The following JARID2 variants were observed in gnomAD, a reference collection of about 807,000 sequenced individuals.
The protein encoded by JARID2 is jumonji and AT-rich interaction domain containing 2.
In JARID2, 21 loss-of-function variants were observed where a neutral mutation model predicts 125.6. The ratio of observed to expected loss-of-function variants is 0.17; its 90% CI spans 0.12 to 0.24. The LOEUF (loss-of-function observed/expected upper bound fraction) is 0.24. Among genes scored for constraint, JARID2 ranks in the 10% least tolerant of loss-of-function variants. The pLI is 1.00. For missense variants in JARID2, 1,303 were observed against 1,639.6 expected, an observed-to-expected ratio of 0.79 and a Z score of 3.55; for synonymous variants, 736 against 661.6, an observed-to-expected ratio of 1.11 and a Z score of -1.73.
chr6:15,264,612 A>AGAGTGT (rs1554116823), intron 1 of JARID2, among the ~76,000 whole-genome samples: 5 of 146,240 alleles, frequency 3.4e-5, no homozygotes, highest in South Asian at 2.2e-4. Flanking sequence ...GGTAGGTGTG[A>AGAGTGT]GTGTGTGTGT....
chr6:15,350,445 A>G (rs1191682340), intron 1 of JARID2, among the ~76,000 whole-genome samples: 2 of 152,202 alleles, frequency 1.3e-5, no homozygotes, highest in Non-Finnish European at 2.9e-5. Flanking sequence ...CGTCTTCATT[A>G]GTAACACGGA....
At chr6:15,415,824 AC>A (rs1265235675) in intron 3 of JARID2, among the ~76,000 whole-genome samples, 78 of 72,732 alleles carry the variant, frequency 1.1e-3, no homozygotes, top group Non-Finnish European at 1.4e-4. Flanking sequence ...CGGGGGGCTG[AC>A]CCCCCCACCT....
rs533221435 is a variant in JARID2 at position 15,263,707 on chromosome 6, C to T, written c.45+17123C>T. Among the ~76,000 whole-genome samples, 97 of 151,982 alleles carry T rather than the reference C, an allele frequency of 6.4e-4. 2 individuals are homozygous for T. The highest frequency in any genetic ancestry group is 2.0e-3 in the African/African-American group (82 of 41,442). Reference sequence around the variant, plus strand: ...TTCCGGATTCAAGTGATTCTCCTGCCTCAGCCTCCAGAGTAGCCAGGATTA... The same window carrying T: ...TTCCGGATTCAAGTGATTCTCCTGCTTCAGCCTCCAGAGTAGCCAGGATTA... On this transcript the variant is annotated intron_variant, in intron 1 of 17. Transcript: ENST00000341776.
chr6:15,485,073 T>C (rs990538825), intron 5 of JARID2, among the ~76,000 whole-genome samples: 5 of 152,238 alleles, frequency 3.3e-5, no homozygotes, highest in African/African-American at 1.2e-4. Context: ...CAATGGGTAG[T>C]TACTTAGAAT....
At chr6:15,422,430 TG>T (rs1490930785) in intron 3 of JARID2, among the ~76,000 whole-genome samples, 1 of 152,178 alleles carries the variant, frequency 6.6e-6, no homozygotes, top group Non-Finnish European at 1.5e-5. Context: ...CCTGAGTTCC[TG>T]GGTTTCAGTG....
intron 1 of JARID2, among the ~76,000 whole-genome samples, chr6:15,292,257 G>T (rs1189901545): frequency 6.6e-6 from 1 of 151,862 alleles, no homozygotes; most frequent in East Asian, 1.9e-4. Context: ...TCCTGACCTC[G>T]TGATCCGCCC....
intron 2 of JARID2, among the ~76,000 whole-genome samples, chr6:15,390,629 C>G (rs959416557): frequency 6.6e-6 from 1 of 152,156 alleles, no homozygotes; most frequent in Non-Finnish European, 1.5e-5. Flanking sequence ...GTTGACAGAG[C>G]TCAGGTCATC....
chr6:15,431,378 T>C (rs1271657299), intron 3 of JARID2, among the ~76,000 whole-genome samples: 1 of 152,206 alleles, frequency 6.6e-6, no homozygotes, highest in African/African-American at 2.4e-5. Context: ...TCATAAACGA[T>C]GCCTTCCTGC....
intron 1 of JARID2, among the ~76,000 whole-genome samples, chr6:15,313,021 A>C (rs749910878): frequency 2.0e-5 from 3 of 152,204 alleles, no homozygotes; most frequent in Non-Finnish European, 2.9e-5. Context: ...CAGTTTCAGA[A>C]TAGTGCCTTC....
At chr6:15,266,468 G>T (rs999694797) in intron 1 of JARID2, among the ~76,000 whole-genome samples, 1 of 152,180 alleles carries the variant, frequency 6.6e-6, no homozygotes, top group Non-Finnish European at 1.5e-5. Context: ...CCCGCTGGGG[G>T]AAGGACTAAT....
intron 4 of JARID2, among the ~76,000 whole-genome samples, chr6:15,465,873 G>A (rs1200364448): frequency 1.3e-5 from 2 of 151,634 alleles, no homozygotes; most frequent in African/African-American, 4.9e-5. Flanking sequence ...GCATGATCTC[G>A]GCTCACTGCA....
intron 1 of JARID2, among the ~76,000 whole-genome samples, chr6:15,280,629 C>CTTTT (rs11427786): frequency 7.3e-6 from 1 of 136,744 alleles, no homozygotes. Flanking sequence ...CCACACCCTG[C>CTTTT]TTTTTTTTTT....
intron 2 of JARID2, among the ~76,000 whole-genome samples, chr6:15,389,699 C>G (rs1470117414): frequency 6.6e-6 from 1 of 152,256 alleles, no homozygotes; most frequent in East Asian, 1.9e-4. Context: ...AAACTCTTCA[C>G]TCTGCCTGAA....
chr6:15,344,421 C>T (rs756109079), intron 1 of JARID2, among the ~76,000 whole-genome samples: 21 of 151,848 alleles, frequency 1.4e-4, no homozygotes, highest in Non-Finnish European at 2.4e-4. Flanking sequence ...AATTAAAAAA[C>T]GTGACTGAGA....
chr6:15,419,391 AAAGT>A (rs1392447073), intron 3 of JARID2, among the ~76,000 whole-genome samples: 3 of 152,222 alleles, frequency 2.0e-5, no homozygotes, highest in Non-Finnish European at 2.9e-5. Flanking sequence ...AAGTAAATAT[AAAGT>A]AAATATGGGT....
At chr6:15,491,031 G>A (rs1347434494) in intron 6 of JARID2, among the ~76,000 whole-genome samples, 1 of 152,214 alleles carries the variant, frequency 6.6e-6, no homozygotes, top group Non-Finnish European at 1.5e-5. Context: ...ATATGAAAAT[G>A]TACAAGCCTT....
In JARID2 at chr6:15,512,413, C is replaced by T. The variant is rs1258378834; in HGVS notation, c.3135+23C>T. On this transcript the variant is annotated intron_variant, in intron 14 of 17. Coordinates refer to ENST00000341776, the MANE Select transcript of JARID2 (RefSeq NM_004973.4). ...AAGGTGAGCAGAGCCGGCCTCCTCCCGCTTGCTGCCCCCGCATCCCTGTGA... is the reference window on the plus strand; with the variant it reads ...AAGGTGAGCAGAGCCGGCCTCCTCCTGCTTGCTGCCCCCGCATCCCTGTGA... 5.0e-6 allele frequency: 8 copies of T among 1,608,960 alleles called. 1 individual carries two copies. The highest frequency in any genetic ancestry group is 4.4e-5 in the South Asian group (4 of 90,908).
At chr6:15,403,504 T>G (rs1765522282) in intron 2 of JARID2, among the ~76,000 whole-genome samples, 1 of 152,194 alleles carries the variant, frequency 6.6e-6, no homozygotes, top group South Asian at 2.1e-4. Flanking sequence ...TTTGTTCCTT[T>G]GTAGCTCAAG....
chr6:15,304,767 T>A (rs1040928520), intron 1 of JARID2, among the ~76,000 whole-genome samples: 4 of 152,196 alleles, frequency 2.6e-5, no homozygotes, highest in African/African-American at 9.7e-5. Context: ...TAGTATCTGC[T>A]TTCTTAGATT....
Sources: allele counts gnomAD v4.1 joint callset (sites outside exome capture counted in the v4.1 genomes callset), GRCh38; gene constraint gnomAD v4.1.1; transcripts MANE v1.5; gene names NCBI Gene and HGNC (gene_info 2026-07-23, HGNC 2026-07-21).